Variants in SYNPR observed in about 807,000 individuals in gnomAD.
SYNPR encodes synaptoporin.
In SYNPR, 23 loss-of-function variants were observed where a neutral mutation model predicts 32.9. The ratio of observed to expected loss-of-function variants is 0.70; its 90% CI spans 0.50 to 0.99. The LOEUF (loss-of-function observed/expected upper bound fraction) is 0.99. Among genes scored for constraint, SYNPR ranks in the 50% least tolerant of loss-of-function variants. SYNPR has a pLI of 0.00. For missense variants in SYNPR, 318 were observed against 349.3 expected (o/e 0.91, Z 0.71); for synonymous variants, 146 against 135.9 (o/e 1.07, Z -0.52).
At chr3:63,266,995 G>GA (rs2086495494) in intron 2 of SYNPR, among the ~76,000 whole-genome samples, 1 of 152,086 alleles carries the variant, frequency 6.6e-6, no homozygotes, top group East Asian at 1.9e-4. Context: ...TAATTTTGTG[G>GA]AGATAGGCCT....
At chr3:63,265,409 G>A (rs1481386354) in intron 2 of SYNPR, among the ~76,000 whole-genome samples, 1 of 151,874 alleles carries the variant, frequency 6.6e-6, no homozygotes, top group African/African-American at 2.4e-5. Flanking sequence ...CTGCCACCAT[G>A]CCTAGCTAAT....
At chr3:63,402,707 TG>T (rs2107103715) in intron 2 of SYNPR, among the ~76,000 whole-genome samples, 1 of 152,342 alleles carries the variant, frequency 6.6e-6, no homozygotes, top group African/African-American at 2.4e-5. Flanking sequence ...TGCAAACCTT[TG>T]CTTTAGCTGT....
intron 3 of SYNPR, among the ~76,000 whole-genome samples, chr3:63,519,599 T>C (rs541824811): frequency 3.9e-5 from 6 of 152,312 alleles, no homozygotes; most frequent in East Asian, 1.9e-4. Context: ...ATCCTCAAGG[T>C]TGGCAGAGTT....
chr3:63,472,938 C>T (rs1700831592), intron 2 of SYNPR, among the ~76,000 whole-genome samples: 5 of 152,130 alleles, frequency 3.3e-5, no homozygotes, highest in Admixed American at 2.6e-4. Flanking sequence ...ATGAAAGCAT[C>T]CATAAATAGA....
At chr3:63,210,655 A>T in the SYNPR span, among the ~76,000 whole-genome samples, 1 of 152,240 alleles carries the variant, frequency 6.6e-6, no homozygotes, top group South Asian at 2.1e-4. Flanking sequence ...AAGAATAGGA[A>T]TGATGAAGAG....
chr3:63,597,733 A>G (rs1238045388), intron 4 of SYNPR, among the ~76,000 whole-genome samples: 1 of 152,152 alleles, frequency 6.6e-6, no homozygotes, highest in African/African-American at 2.4e-5. Context: ...TCTCCCTCAC[A>G]CAGCTGTTGT....
chr3:63,392,535 A>C (rs1053186532), intron 2 of SYNPR, among the ~76,000 whole-genome samples: 1 of 152,174 alleles, frequency 6.6e-6, no homozygotes, highest in Non-Finnish European at 1.5e-5. Flanking sequence ...TGCTGTGAGA[A>C]TCCAGGGAGA....
chr3:63,558,722 G>A (rs759741991), intron 4 of SYNPR, among the ~76,000 whole-genome samples: 20 of 152,068 alleles, frequency 1.3e-4, no homozygotes, highest in Admixed American at 5.9e-4. Flanking sequence ...TACTTGTAGT[G>A]ATCACTCAAC....
intron 2 of SYNPR, among the ~76,000 whole-genome samples, chr3:63,460,172 A>G (rs1394893017): frequency 6.6e-6 from 1 of 152,102 alleles, no homozygotes; most frequent in East Asian, 1.9e-4. Context: ...TGTTAGATTA[A>G]AGGTCATATC....
chr3:63,264,657 T>C (rs536145920), intron 2 of SYNPR, among the ~76,000 whole-genome samples: 2 of 152,310 alleles, frequency 1.3e-5, no homozygotes, highest in South Asian at 2.1e-4. Context: ...TATTAGTTAG[T>C]TCTCACACTG....
At chr3:63,271,607 T>A (rs1473685450) in intron 3 of SYNPR, among the ~76,000 whole-genome samples, 1 of 152,122 alleles carries the variant, frequency 6.6e-6, no homozygotes, top group Non-Finnish European at 1.5e-5. Context: ...CATCTATATG[T>A]TTTACATATA....
intron 2 of SYNPR, among the ~76,000 whole-genome samples, chr3:63,403,281 A>G (rs1360023230): frequency 1.3e-5 from 2 of 152,160 alleles, no homozygotes; most frequent in African/African-American, 4.8e-5. Context: ...TAAATATTGC[A>G]TAAATGGATT....
chr3:63,542,174 C>T (rs765869979), intron 3 of SYNPR, among the ~76,000 whole-genome samples: 22 of 152,082 alleles, frequency 1.4e-4, no homozygotes, highest in Admixed American at 7.9e-4. Context: ...CTCTCTTTAT[C>T]CCCATGTTTT....
chr3:63,405,802 T>C (rs1007395181), intron 2 of SYNPR, among the ~76,000 whole-genome samples: 1 of 152,156 alleles, frequency 6.6e-6, no homozygotes, highest in African/African-American at 2.4e-5. Context: ...CATTAAATAA[T>C]AGAATCCACA....
chr3:63,416,554 C>CAAAAA (rs147590910), intron 2 of SYNPR, among the ~76,000 whole-genome samples: 5 of 122,598 alleles, frequency 4.1e-5, no homozygotes, highest in Admixed American at 8.6e-5. Flanking sequence ...AAAAAAAAAC[C>CAAAAA]AAAAAAAAAC....
chr3:63,273,511 T>C (rs1051829552), upstream of SYNPR, among the ~76,000 whole-genome samples: 1 of 152,196 alleles, frequency 6.6e-6, no homozygotes, highest in African/African-American at 2.4e-5. Context: ...CTGTTGCTAT[T>C]ATTATTCTCT....
At chr3:63,301,828 A>G (rs1469638840) in intron 2 of SYNPR, among the ~76,000 whole-genome samples, 1 of 152,030 alleles carries the variant, frequency 6.6e-6, no homozygotes, top group Non-Finnish European at 1.5e-5. Context: ...TAAAGTTCTC[A>G]TCTTGTCTTC....
intron 4 of SYNPR, among the ~76,000 whole-genome samples, chr3:63,603,896 C>A (rs1214176113): frequency 6.6e-6 from 1 of 152,136 alleles, no homozygotes; most frequent in Non-Finnish European, 1.5e-5. Context: ...CCTTCCTCCT[C>A]AATTTTTTGA....
At position 63,595,860 on chromosome 3, in the gene SYNPR, GTTATATATATATAA is replaced by G. The variant is rs1559546472; in HGVS notation, c.409-13262_409-13249del. ...ATATATATAGTTTTATATATATATAGTTATATATATATAATTTTATATATATATAGTTTTATATA... is the reference window on the plus strand; with the variant it reads ...ATATATATAGTTTTATATATATATAGTTTTATATATATATAGTTTTATATA... On this transcript the variant is annotated intron_variant, in intron 4 of 5. Transcript: ENST00000478300. Among the ~76,000 whole-genome samples the G allele has an allele frequency of 1.7e-3, 85 of 48,760 alleles. 8 individuals are homozygous for G. Among genetic ancestry groups the G allele is most frequent in the African/African-American group, 6.1e-3 (76 of 12,416 alleles). 32.0% of individuals were successfully genotyped at this position (48,760 alleles called of 152,430 possible). A position where few individuals can be genotyped will look rare whatever the true frequency, so the allele number is the denominator to read the frequency against.
Sources: gnomAD v4.1 joint callset for allele counts (sites outside exome capture counted in the v4.1 genomes callset) on GRCh38, gnomAD v4.1.1 for gene constraint, MANE v1.5 for transcripts, NCBI Gene and HGNC (gene_info 2026-07-23, HGNC 2026-07-21) for gene names.